The following TOMM20 variants were observed in gnomAD, a reference collection of about 807,000 sequenced individuals.
TOMM20 encodes the protein translocase of outer mitochondrial membrane 20.
In TOMM20, 10 loss-of-function variants were observed where a neutral mutation model predicts 22.1. The ratio of observed to expected loss-of-function variants is 0.45; its 90% confidence interval spans 0.28 to 0.77. TOMM20 has a LOEUF of 0.77. TOMM20 is among the 30% of genes least tolerant of loss of function. The pLI, the probability that TOMM20 is intolerant of heterozygous loss-of-function variation, is 0.13. For synonymous variants in TOMM20, 55 were observed against 61.4 expected (o/e 0.90, Z 0.49); for missense variants, 121 against 172.2 (o/e 0.70, Z 1.66).
intron 2 of TOMM20, among the ~76,000 whole-genome samples, chr1:235,120,869 CA>C (rs752792267): frequency 6.8e-4 from 68 of 100,220 alleles, no homozygotes; most frequent in East Asian, 2.1e-3. Context: ...GACCCTGTCT[CA>C]AAAAAAAAAA....
Position 235,109,905 on chromosome 1 carries a change from G to C in TOMM20, c.*2159C>G, listed in dbSNP as rs977409754. 7.9e-5 allele frequency: 12 copies of C among 152,096 alleles called. No homozygotes were observed. Among genetic ancestry groups the C allele is most frequent in the African/African-American group, 2.9e-4 (12 of 41,402 alleles). The allele number at this position is 152,096 out of a possible 1,614,324, so 9.4% of individuals were successfully genotyped here. On this transcript the variant is annotated 3_prime_UTR_variant, in exon 5 of 5. Transcript: ENST00000366607. ...GTTCTCACCTGCTGAGCACCATTTG[G>C]CCAGCATCACTACAACAAGCTGATT...
In TOMM20 at chr1:235,111,765, A is replaced by C. The variant is rs1220349101; in HGVS notation, c.*299T>G. 2 of 220,708 alleles carry C rather than the reference A, an allele frequency of 9.1e-6. No homozygotes were observed. The highest frequency in any genetic ancestry group is 4.6e-5 in the African/African-American group (2 of 43,466). The allele number at this position is 220,708 out of a possible 1,614,324, so 13.7% of individuals were successfully genotyped here. A position where few individuals can be genotyped will look rare whatever the true frequency, so the allele number is the denominator to read the frequency against. On this transcript the variant is annotated 3_prime_UTR_variant, in exon 5 of 5. Coordinates refer to ENST00000366607, the MANE Select transcript of TOMM20 (RefSeq NM_014765.3). ...CTGAGCACTGGGTATTTTTAACATA[A>C]GCCATGTCATATGTACAGTTTAACT...
chr1:235,119,858 G>A lies in TOMM20; in HGVS notation c.210C>T (p.Phe70=). ...LKDAEAVQKF[F]LEEIQLGEEL... ...CTTCACCAAGCTGTATTTCTTCAAG[G>A]AAGAACTTCTGAACAGCTTCAGCAT... The change falls in exon 3 of 5, where the codon TTC becomes TTT. Residue 70 remains phenylalanine, a synonymous_variant. Transcript: ENST00000366607. The A allele has an allele frequency of 6.2e-7, 1 of 1,612,440 alleles. No homozygotes were observed. Among genetic ancestry groups the A allele is most frequent in the Non-Finnish European group, 8.5e-7 (1 of 1,179,066 alleles).
chr1:235,113,132 G>C (rs557389100), intron 4 of TOMM20, among the ~76,000 whole-genome samples: 55 of 152,290 alleles, frequency 3.6e-4, no homozygotes, highest in African/African-American at 1.3e-3. Context: ...ATTCCAAAAA[G>C]CAAGATTCAT....
At chr1:235,117,177 G>C (rs1464474210) in intron 3 of TOMM20, among the ~76,000 whole-genome samples, 1 of 112,108 alleles carries the variant, frequency 8.9e-6, no homozygotes, top group Non-Finnish European at 1.8e-5. Context: ...AGTAAGAATA[G>C]ACCAGGTGCA....
chr1:235,116,907 G>A (rs562311205), intron 3 of TOMM20, among the ~76,000 whole-genome samples: 341 of 149,972 alleles, frequency 2.3e-3, no homozygotes, highest in African/African-American at 8.0e-3. Flanking sequence ...AGGCCAAGGC[G>A]GGCGGATCAC....
intron 1 of TOMM20, among the ~76,000 whole-genome samples, chr1:235,126,775 G>C (rs1323469066): frequency 6.6e-6 from 1 of 152,154 alleles, no homozygotes; most frequent in Non-Finnish European, 1.5e-5. Context: ...ACTCGAGCCT[G>C]GGCGACAGAG....
At chr1:235,119,939 C>A (rs1253714426) in intron 2 of TOMM20, 40 bp from the exon 3 acceptor site, 6 of 1,362,222 alleles carry the variant, frequency 4.4e-6, no homozygotes, top group Non-Finnish European at 6.3e-6. Flanking sequence ...CACAATTATG[C>A]CAGGGGATAT....
intron 1 of TOMM20, among the ~76,000 whole-genome samples, chr1:235,127,569 C>A (rs1021708593): frequency 2.0e-5 from 3 of 152,176 alleles, no homozygotes; most frequent in Non-Finnish European, 4.4e-5. Context: ...AAACCGTAAC[C>A]ACTGTTACTT....
rs555943435 is a variant in TOMM20 at position 235,109,746 on chromosome 1, T to C, written c.*2318A>G. ...CAAATTGTGGAACAAAACTATATCT[T>C]TGCCCAAAGAAGCACATCAACTGTT... On this transcript the variant is annotated 3_prime_UTR_variant, in exon 5 of 5. Coordinates refer to ENST00000366607, the MANE Select transcript of TOMM20 (RefSeq NM_014765.3). The C allele has an allele frequency of 1.3e-5, 2 of 152,364 alleles. No individual in the cohort carries two copies. Among genetic ancestry groups the C allele is most frequent in the African/African-American group, 4.8e-5 (2 of 41,594 alleles). The allele number at this position is 152,364 out of a possible 1,614,324, so 9.4% of individuals were successfully genotyped here. A position where few individuals can be genotyped will look rare whatever the true frequency, so the allele number is the denominator to read the frequency against.
intron 1 of TOMM20, among the ~76,000 whole-genome samples, chr1:235,122,768 C>T (rs1392928161): frequency 6.6e-6 from 1 of 152,206 alleles, no homozygotes; most frequent in Non-Finnish European, 1.5e-5. Flanking sequence ...TATATCTTTA[C>T]TGAATGTTGC....
rs191160222 is a variant in TOMM20 at position 235,120,803 on chromosome 1, G to A, written c.169-904C>T. Among the ~76,000 whole-genome samples, 415 of 145,372 alleles carry A rather than the reference G, an allele frequency of 2.9e-3. 3 individuals are homozygous for A. Among genetic ancestry groups the A allele is most frequent in the African/African-American group, 9.9e-3 (387 of 39,106 alleles). Reference sequence around the variant, plus strand: ...GATTGCTTGAACCCACGAGGTCGAGGCTGCAGTGAGCTGTGACTGCACCGC... The same window carrying A: ...GATTGCTTGAACCCACGAGGTCGAGACTGCAGTGAGCTGTGACTGCACCGC... On this transcript the variant is annotated intron_variant, in intron 2 of 4. Transcript: ENST00000366607.
chr1:235,116,274 T>A (rs1660825446), intron 3 of TOMM20, among the ~76,000 whole-genome samples: 1 of 150,606 alleles, frequency 6.6e-6, no homozygotes, highest in Admixed American at 6.6e-5. Context: ...GGTGTGGTGG[T>A]TCACGCCTGT....
At chr1:235,128,519 G>A in intron 1 of TOMM20, 76 bp downstream of exon 1, 1 of 1,602,730 alleles carries the variant, frequency 6.2e-7, no homozygotes, top group African/African-American at 1.3e-5. Context: ...CAGGCTGGTG[G>A]GAGGCAATGA....
chr1:235,125,077 T>G (rs187650596), intron 1 of TOMM20, among the ~76,000 whole-genome samples: 1 of 152,364 alleles, frequency 6.6e-6, no homozygotes, highest in Non-Finnish European at 1.5e-5. Flanking sequence ...ACTCATAATT[T>G]AGAATGATAA....
intron 1 of TOMM20, chr1:235,127,779 C>A: frequency 2.1e-6 from 1 of 482,902 alleles, no homozygotes; most frequent in South Asian, 1.5e-5. Flanking sequence ...TGACACGATT[C>A]CCCTCTGGTA....
At chr1:235,117,144 A>C (rs1482560095) in intron 3 of TOMM20, among the ~76,000 whole-genome samples, 1 of 135,364 alleles carries the variant, frequency 7.4e-6, no homozygotes, top group Admixed American at 7.5e-5. Flanking sequence ...CAAAAAAAAA[A>C]AAAAAAAAAA....
At chr1:235,128,226 G>A (rs1216206955) in intron 1 of TOMM20, among the ~76,000 whole-genome samples, 2 of 152,186 alleles carry the variant, frequency 1.3e-5, no homozygotes, top group East Asian at 3.8e-4. Context: ...TTTAGCCTCA[G>A]ACTAAAATTT....
intron 3 of TOMM20, among the ~76,000 whole-genome samples, chr1:235,114,854 T>C (rs188657561): frequency 1.4e-3 from 215 of 152,160 alleles, no homozygotes; most frequent in Non-Finnish European, 2.6e-3. Context: ...TATGTGCTCC[T>C]TGTCCTTAGT....
Sources: gnomAD v4.1 joint callset for allele counts (sites outside exome capture counted in the v4.1 genomes callset) on GRCh38, gnomAD v4.1.1 for gene constraint, MANE v1.5 for transcripts, NCBI Gene and HGNC (gene_info 2026-07-23, HGNC 2026-07-21) for gene names.